PLCG2: variants seen among roughly 807,000 people sequenced by gnomAD.
The protein encoded by PLCG2 is phospholipase C gamma 2.
PLCG2 carries 69 observed loss-of-function variants against 175.6 expected under a neutral mutation model. The ratio of observed to expected loss-of-function variants is 0.39; its 90% CI spans 0.32 to 0.48. The LOEUF (loss-of-function observed/expected upper bound fraction) is 0.48, where lower values mean the gene tolerates loss of function less well. Among genes scored for constraint, PLCG2 ranks in the 20% least tolerant of loss-of-function variants. PLCG2 has a pLI of 0.91. For synonymous variants in PLCG2, 827 were observed against 624.0 expected (o/e 1.33, Z -4.85); for missense variants, 1,798 against 1,650.9 (o/e 1.09, Z -1.54).
intron 2 of PLCG2, among the ~76,000 whole-genome samples, chr16:81,790,939 C>T (rs776072352): frequency 7.9e-5 from 12 of 152,132 alleles, no homozygotes; most frequent in Non-Finnish European, 1.2e-4. Context: ...ATCCAGCAAA[C>T]GTGTCAGTGG....
rs897888132 is a variant in PLCG2 at position 81,961,331 on chromosome 16, G to C, written c.*3333G>C. The C allele has an allele frequency of 3.1e-5, 7 of 225,164 alleles. No homozygotes were observed. The highest frequency in any genetic ancestry group is 5.3e-5 in the Non-Finnish European group (6 of 113,214). 13.9% of individuals were successfully genotyped at this position (225,164 alleles called of 1,614,324 possible). A position where few individuals can be genotyped will look rare whatever the true frequency, so the allele number is the denominator to read the frequency against. On this transcript the variant is annotated 3_prime_UTR_variant, in exon 33 of 33. Coordinates refer to ENST00000564138, the MANE Select transcript of PLCG2 (RefSeq NM_002661.5). ...TCTTAAGATGTTATCAATCTACATA[G>C]ATGAAATAATTGTGGAGAAAAGCCC... is the stretch of plus-strand genomic sequence containing the variant.
chr16:81,865,191 G>C (rs1907168672), intron 5 of PLCG2, among the ~76,000 whole-genome samples: 1 of 152,170 alleles, frequency 6.6e-6, no homozygotes, highest in African/African-American at 2.4e-5. Flanking sequence ...CGTGGACTGG[G>C]TCAGAGCTGG....
intron 1 of PLCG2, among the ~76,000 whole-genome samples, chr16:81,741,485 A>C (rs535235188): frequency 3.9e-5 from 6 of 152,286 alleles, no homozygotes; most frequent in African/African-American, 1.4e-4. Context: ...TTTATGGGTT[A>C]CAGAGTGACA....
intron 2 of PLCG2, among the ~76,000 whole-genome samples, chr16:81,812,842 A>G (rs1386744090): frequency 1.3e-5 from 2 of 151,824 alleles, no homozygotes; most frequent in Non-Finnish European, 2.9e-5. Flanking sequence ...ATCTTGAGTT[A>G]ATTTTTGTAT....
In PLCG2 at chr16:81,909,664, T is replaced by C. The variant is rs1482569972; in HGVS notation, c.1734-856T>C. Among the ~76,000 whole-genome samples, 3 of 152,134 alleles carry C rather than the reference T, an allele frequency of 2.0e-5. No homozygotes were observed. The East Asian group carries it at 5.8e-4, about 29-fold the overall frequency. Reference sequence around the variant, plus strand: ...ACTCAGCTCAAGCAATCCTCTGGCTTCGGCCTCCTGAAGTGCTAGGATTAC... The same window carrying C: ...ACTCAGCTCAAGCAATCCTCTGGCTCCGGCCTCCTGAAGTGCTAGGATTAC... On this transcript the variant is annotated intron_variant, in intron 17 of 32. Transcript: ENST00000564138.
intron 2 of PLCG2, among the ~76,000 whole-genome samples, chr16:81,760,760 T>TAA (rs55942382): frequency 2.1e-5 from 3 of 139,542 alleles, no homozygotes; most frequent in Non-Finnish European, 4.6e-5. Flanking sequence ...AAAAAAAAAA[T>TAA]AATAATAATA....
In PLCG2 at chr16:81,803,256, C is replaced by G. The variant is rs191455369; in HGVS notation, c.193+17074C>G. On this transcript the variant is annotated intron_variant, in intron 2 of 32. Coordinates refer to ENST00000564138, the MANE Select transcript of PLCG2 (RefSeq NM_002661.5). ...GCCTCAGCCTCCTGAGTAGCTGGGA[C>G]TACAGGTGCCCACCACCACGCCTGT... is the stretch of plus-strand genomic sequence containing the variant. 5.9e-5 allele frequency among the ~76,000 whole-genome samples: 9 copies of G among 151,558 alleles called. No homozygotes were observed. The South Asian group carries it at 1.3e-3, about 21-fold the overall frequency.
At chr16:81,915,521 C>G (rs925550486) in intron 19 of PLCG2, among the ~76,000 whole-genome samples, 4 of 152,208 alleles carry the variant, frequency 2.6e-5, no homozygotes, top group African/African-American at 9.7e-5. Context: ...TCCCATCTCC[C>G]CTTCTGATTC....
At chr16:81,953,242 G>C (rs953107286) in intron 31 of PLCG2, among the ~76,000 whole-genome samples, 6 of 152,176 alleles carry the variant, frequency 3.9e-5, no homozygotes, top group Admixed American at 3.9e-4. Context: ...GTGGGAACAG[G>C]AAAAGGAGAC....
At chr16:81,861,666 T>C (rs1472768166) in intron 5 of PLCG2, among the ~76,000 whole-genome samples, 1 of 152,176 alleles carries the variant, frequency 6.6e-6, no homozygotes, top group African/African-American at 2.4e-5. Context: ...AGGTGATGCC[T>C]CTTCTGACTT....
At chr16:81,771,737 G>A (rs1403336395) in intron 2 of PLCG2, among the ~76,000 whole-genome samples, 2 of 148,296 alleles carry the variant, frequency 1.3e-5, no homozygotes. Flanking sequence ...CTGCACCTGT[G>A]AATGTAACCT....
intron 7 of PLCG2, 27 bp from the exon 8 acceptor site, chr16:81,880,883 T>C: frequency 6.2e-7 from 1 of 1,612,614 alleles, no homozygotes; most frequent in African/African-American, 1.3e-5. Flanking sequence ...CTAAGGTTCT[T>C]TTTTTTGTGT....
At chr16:81,817,578 G>C (rs4530128) in intron 2 of PLCG2, among the ~76,000 whole-genome samples, 149,563 of 152,354 alleles carry the variant, frequency 0.98, 73,419 homozygotes, top group Admixed American at 0.99. Flanking sequence ...ACTGCACCTG[G>C]CCTTCCAGAA....
At chr16:81,758,541 T>C (rs926129567) in intron 2 of PLCG2, among the ~76,000 whole-genome samples, 7 of 152,224 alleles carry the variant, frequency 4.6e-5, no homozygotes, top group Admixed American at 3.9e-4. Flanking sequence ...AGTCATACAG[T>C]AGCTCTGCGT....
chr16:81,890,753 G>A (rs1908593652), intron 10 of PLCG2, among the ~76,000 whole-genome samples: 1 of 152,096 alleles, frequency 6.6e-6, no homozygotes, highest in Non-Finnish European at 1.5e-5. Context: ...TTTTTAAGGG[G>A]CCAGGAATTG....
chr16:81,788,907 G>A (rs1465254256), intron 2 of PLCG2, among the ~76,000 whole-genome samples: 1 of 152,194 alleles, frequency 6.6e-6, no homozygotes, highest in Non-Finnish European at 1.5e-5. Flanking sequence ...CCCACAAGGG[G>A]TGAGAGGGTT....
intron 2 of PLCG2, among the ~76,000 whole-genome samples, chr16:81,799,380 A>G (rs72834746): frequency 6.6e-6 from 1 of 152,290 alleles, no homozygotes; most frequent in Non-Finnish European, 1.5e-5. Flanking sequence ...ATTTTGTACT[A>G]CTTTGTGACC....
chr16:81,929,164 T>C (rs1186886340), intron 24 of PLCG2, among the ~76,000 whole-genome samples: 1 of 152,152 alleles, frequency 6.6e-6, no homozygotes, highest in Non-Finnish European at 1.5e-5. Context: ...GCTTGTCCAG[T>C]GGTGGCCAGG....
chr16:81,946,190 C>T lies in PLCG2; in HGVS notation c.3497C>T (p.Pro1166Leu). The T allele has an allele frequency of 6.2e-7, 1 of 1,613,672 alleles. No homozygotes were observed. The highest frequency in any genetic ancestry group is 8.5e-7 in the Non-Finnish European group (1 of 1,179,598). ...TCTGCTTCAGGATTCAGGTCCGTTC[C>T]TCTGAAGAATGGGTACAGCGAGGAC... is the stretch of plus-strand genomic sequence containing the variant. ...KAVKSGFRSV[P>L]LKNGYSEDIE... Residue 1166 changes from proline (P) to leucine (L), a missense_variant, in exon 31 of 33, where the codon CCT becomes CTT. Pro to Leu is a moderately conservative substitution (Grantham distance 98). Coordinates refer to ENST00000564138, the MANE Select transcript of PLCG2 (RefSeq NM_002661.5).
Sources: allele counts gnomAD v4.1 joint callset (sites outside exome capture counted in the v4.1 genomes callset), GRCh38; gene constraint gnomAD v4.1.1; transcripts MANE v1.5; gene names NCBI Gene and HGNC (gene_info 2026-07-23, HGNC 2026-07-21).